The following HECW2 variants were observed in gnomAD, a reference collection of about 807,000 sequenced individuals.
HECW2 encodes HECT, C2 and WW domain containing E3 ubiquitin protein ligase 2, also known as E3 ubiquitin-protein ligase HECW2.
A neutral mutation model predicts 175.2 loss-of-function variants in HECW2; 61 were observed. The ratio of observed to expected loss-of-function variants is 0.35; its 90% CI spans 0.28 to 0.43. HECW2 has a LOEUF of 0.43. Among genes scored for constraint, HECW2 ranks in the 20% least tolerant of loss-of-function variants. The pLI, the probability that HECW2 is intolerant of heterozygous loss-of-function variation, is 1.00. For missense variants in HECW2, 1,524 were observed against 2,000.5 expected (o/e 0.76, Z 4.54); for synonymous variants, 671 against 731.0 (o/e 0.92, Z 1.32).
intron 14 of HECW2, among the ~76,000 whole-genome samples, chr2:196,284,666 T>C (rs545673407): frequency 1.2e-3 from 186 of 152,324 alleles, no homozygotes; most frequent in African/African-American, 3.9e-3. Context: ...CACATATCAA[T>C]TATGTCAGGA....
chr2:196,450,549 T>C (rs1696316551), intron 1 of HECW2, among the ~76,000 whole-genome samples: 1 of 149,232 alleles, frequency 6.7e-6, no homozygotes, highest in Admixed American at 6.8e-5. Flanking sequence ...TGGAGTACAA[T>C]GGCATAATCT....
chr2:196,484,139 T>C (rs1032875344), intron 1 of HECW2, among the ~76,000 whole-genome samples: 8 of 152,322 alleles, frequency 5.3e-5, no homozygotes, highest in Non-Finnish European at 1.0e-4. Flanking sequence ...ATAATAATAG[T>C]TGTTGCTTCA....
At chr2:196,286,319 G>A (rs1690384260) in intron 14 of HECW2, among the ~76,000 whole-genome samples, 1 of 150,326 alleles carries the variant, frequency 6.7e-6, no homozygotes, top group Non-Finnish European at 1.5e-5. Flanking sequence ...ATTTTAGGTG[G>A]AGTAGAAGTG....
At position 196,242,160 on chromosome 2, in the gene HECW2, C is replaced by T; in HGVS notation, c.3574G>A (p.Asp1192Asn). The change falls in exon 20 of 29, where the codon GAT (aspartate) becomes AAT (asparagine). Residue 1192 changes from aspartate (D) to asparagine (N), a missense_variant. Asp to Asn is a conservative substitution (Grantham distance 23). This residue lies in a region of HECW2 where 291 missense variants were observed against 412.2 expected (regional missense o/e 0.71). Coordinates refer to ENST00000644978, the MANE Select transcript of HECW2 (RefSeq NM_001348768.2). ...AAGTTCCTCAGTTTGGCTTCGAAAT[C>T]CCGCTTGTAAGGGGCTGGAGCCCGG... ...NARAPAPYKR[D>N]FEAKLRNFYR... is the part of the protein sequence containing the mutation. 6.2e-7 allele frequency: 1 copy of T among 1,614,192 alleles called. No individual in the cohort carries two copies. Among genetic ancestry groups the T allele is most frequent in the Non-Finnish European group, 8.5e-7 (1 of 1,180,024 alleles).
intron 2 of HECW2, among the ~76,000 whole-genome samples, chr2:196,420,385 C>T (rs1225508377): frequency 6.6e-6 from 1 of 152,222 alleles, no homozygotes; most frequent in Non-Finnish European, 1.5e-5. Context: ...CACAGCTCCA[C>T]TGTAACTCAA....
At chr2:196,459,858 T>C (rs10168352) in intron 1 of HECW2, among the ~76,000 whole-genome samples, 32,849 of 151,980 alleles carry the variant, frequency 0.22, 4,034 homozygotes, top group African/African-American at 0.34. Flanking sequence ...ATCATGCTAA[T>C]GCCGCCATAG....
chr2:196,500,756 A>T (rs1687551409), intron 1 of HECW2, among the ~76,000 whole-genome samples: 1 of 152,184 alleles, frequency 6.6e-6, no homozygotes, highest in South Asian at 2.1e-4. Context: ...TATCTAGACT[A>T]TACTGGATTT....
chr2:196,321,198 A>G (rs956270874), intron 7 of HECW2, among the ~76,000 whole-genome samples: 2 of 152,146 alleles, frequency 1.3e-5, no homozygotes, highest in African/African-American at 4.8e-5. Flanking sequence ...TGGTGGGGTC[A>G]TATCCCAGAT....
rs371882295 is a variant in HECW2, at chr2:196,504,295, C to CAAA, written c.-35-70840_-35-70838dup. Among the ~76,000 whole-genome samples the CAAA allele has an allele frequency of 2.4e-3, 229 of 94,134 alleles. 2 individuals are homozygous for CAAA. The highest frequency in any genetic ancestry group is 8.2e-3 in the African/African-American group (188 of 23,054). 61.8% of individuals were successfully genotyped at this position (94,134 alleles called of 152,430 possible). A position where few individuals can be genotyped will look rare whatever the true frequency, so the allele number is the denominator to read the frequency against. ...GGGGGATAAGAGTGAAACTCTGTCT[C>CAAA]AAAAAAAAAAAAAAAAAAAGCTGGT... is the stretch of plus-strand genomic sequence containing the variant. On this transcript the variant is annotated intron_variant, in intron 1 of 28. Coordinates refer to ENST00000644978, the MANE Select transcript of HECW2 (RefSeq NM_001348768.2).
intron 14 of HECW2, among the ~76,000 whole-genome samples, chr2:196,282,979 G>A (rs1400826835): frequency 5.9e-5 from 9 of 152,074 alleles, no homozygotes; most frequent in South Asian, 4.2e-4. Flanking sequence ...TGGAAGGAGC[G>A]GCTAGGTGTG....
At chr2:196,298,436 T>C (rs1262111988) in intron 13 of HECW2, among the ~76,000 whole-genome samples, 1 of 152,240 alleles carries the variant, frequency 6.6e-6, no homozygotes, top group East Asian at 1.9e-4. Context: ...AACACTTTTC[T>C]TTCCAGTAAG....
chr2:196,278,781 A>G (rs1690075461), intron 14 of HECW2, 119 bp from the exon 15 acceptor site: 1 of 1,180,248 alleles, frequency 8.5e-7, no homozygotes, highest in Non-Finnish European at 1.2e-6. Context: ...ATTTTCTCAT[A>G]ATTTTCAATC....
intron 1 of HECW2, among the ~76,000 whole-genome samples, chr2:196,447,818 G>C (rs922924562): frequency 2.6e-5 from 4 of 152,190 alleles, no homozygotes; most frequent in African/African-American, 9.6e-5. Flanking sequence ...AGCACTTTGG[G>C]AGGCCGAGGC....
At chr2:196,588,899 T>C (rs1691082010) in intron 1 of HECW2, among the ~76,000 whole-genome samples, 1 of 152,162 alleles carries the variant, frequency 6.6e-6, no homozygotes, top group Admixed American at 6.5e-5. Context: ...ATAGTCATCC[T>C]ACTTATAAAA....
intron 19 of HECW2, among the ~76,000 whole-genome samples, 158 bp downstream of exon 19, chr2:196,253,762 G>A (rs1688946227): frequency 6.6e-6 from 1 of 152,148 alleles, no homozygotes; most frequent in Non-Finnish European, 1.5e-5. Flanking sequence ...ATGGAAATAA[G>A]CCACTCTTAC....
chr2:196,354,904 A>G (rs991736514), intron 2 of HECW2, among the ~76,000 whole-genome samples: 1 of 152,244 alleles, frequency 6.6e-6, no homozygotes, highest in Non-Finnish European at 1.5e-5. Context: ...ACCAGTTTCG[A>G]GTAAGGCCTT....
At chr2:196,460,478 G>A (rs1451284246) in intron 1 of HECW2, among the ~76,000 whole-genome samples, 6 of 134,272 alleles carry the variant, frequency 4.5e-5, no homozygotes, top group South Asian at 2.3e-4. Flanking sequence ...AAACAAAACC[G>A]ATTAAACCTT....
At chr2:196,431,792 GA>G (rs532754208) in intron 2 of HECW2, among the ~76,000 whole-genome samples, 382 of 151,502 alleles carry the variant, frequency 2.5e-3, no homozygotes, top group African/African-American at 8.0e-3. Flanking sequence ...TTACCATAAG[GA>G]AAAAAAAGAG....
intron 1 of HECW2, among the ~76,000 whole-genome samples, chr2:196,502,858 A>G (rs1009036117): frequency 3.3e-5 from 5 of 152,346 alleles, no homozygotes; most frequent in East Asian, 3.9e-4. Flanking sequence ...GCTACCTCTC[A>G]TACTTGCAAA....
Sources: gnomAD v4.1 joint callset for allele counts (sites outside exome capture counted in the v4.1 genomes callset) on GRCh38, gnomAD v4.1.1 for gene constraint, gnomAD v4.1.1 regional missense constraint, MANE v1.5 for transcripts, NCBI Gene and HGNC (gene_info 2026-07-23, HGNC 2026-07-21) for gene names.